The following NKAIN1 variants were observed in gnomAD, a reference collection of about 807,000 sequenced individuals.
NKAIN1 encodes sodium/potassium-transporting ATPase subunit beta-1-interacting protein 1.
Under a neutral mutation model 31.6 loss-of-function variants are expected in NKAIN1, and 13 were observed. That is an observed-to-expected ratio of 0.41 (90% CI 0.27 to 0.65). The LOEUF (loss-of-function observed/expected upper bound fraction) is 0.65. Ranked by LOEUF, NKAIN1 falls within the 30% of genes least tolerant of loss-of-function variation. The probability of loss-of-function intolerance (pLI) is 0.30; values close to 1 mark genes in which losing one functional copy is unlikely to be tolerated. For missense variants in NKAIN1, 193 were observed against 262.2 expected (o/e 0.74, Z 1.82); for synonymous variants, 104 against 109.0 (o/e 0.95, Z 0.28).
intron 1 of NKAIN1, among the ~76,000 whole-genome samples, chr1:31,225,737 GCAGC>G (rs2148365791): frequency 6.6e-6 from 1 of 152,332 alleles, no homozygotes; most frequent in South Asian, 2.1e-4. Context: ...GGGGACTCAT[GCAGC>G]CAGATAGAGT....
chr1:31,183,185 G>A (rs1421825194), intron 4 of NKAIN1, among the ~76,000 whole-genome samples: 1 of 152,062 alleles, frequency 6.6e-6, no homozygotes, highest in African/African-American at 2.4e-5. Flanking sequence ...CAACTCTGAG[G>A]CTGGTATTGT....
At chr1:31,236,086 A>G (rs953089103) in intron 1 of NKAIN1, among the ~76,000 whole-genome samples, 2 of 152,142 alleles carry the variant, frequency 1.3e-5, no homozygotes, top group East Asian at 3.8e-4. Context: ...ACTGTTTTAT[A>G]TTCTCTCTAT....
At chr1:31,202,087 G>T (rs111539191) in intron 1 of NKAIN1, among the ~76,000 whole-genome samples, 59 of 152,242 alleles carry the variant, frequency 3.9e-4, no homozygotes, top group African/African-American at 1.4e-3. Flanking sequence ...CCCAGGATGC[G>T]ACTGATTGGG....
chr1:31,207,136 G>C (rs932487361), intron 1 of NKAIN1, among the ~76,000 whole-genome samples: 2 of 152,170 alleles, frequency 1.3e-5, no homozygotes, highest in South Asian at 4.1e-4. Flanking sequence ...GATTCTTGCT[G>C]CTTGTTCCCC....
chr1:31,207,390 G>A (rs1043041827), intron 1 of NKAIN1, among the ~76,000 whole-genome samples: 1 of 152,178 alleles, frequency 6.6e-6, no homozygotes, highest in African/African-American at 2.4e-5. Flanking sequence ...CAAATGTTCA[G>A]AACACTGCCT....
chr1:31,238,452 G>C (rs1458754131), intron 1 of NKAIN1, among the ~76,000 whole-genome samples: 1 of 152,178 alleles, frequency 6.6e-6, no homozygotes, highest in Non-Finnish European at 1.5e-5. Context: ...GAGAAGCACA[G>C]CTTCAACCTC....
intron 1 of NKAIN1, among the ~76,000 whole-genome samples, chr1:31,203,285 A>G (rs1171728501): frequency 6.6e-6 from 1 of 152,180 alleles, no homozygotes; most frequent in East Asian, 1.9e-4. Flanking sequence ...AAAATAAAAT[A>G]AAATAAATAA....
At position 31,184,020 on chromosome 1, in the gene NKAIN1, G is replaced by T; in HGVS notation, c.274-6C>A. On this transcript the variant is annotated splice_region_variant and splice_polypyrimidine_tract_variant and intron_variant, in intron 3 of 6. Coordinates refer to ENST00000373736, the MANE Select transcript of NKAIN1 (RefSeq NM_024522.3). ...GTCATGATGAAGTCCCGGTCCTGGG[G>T]GCAAAGGGGCCTGGGATACTGAGTG... 6.2e-7 allele frequency: 1 copy of T among 1,612,816 alleles called. No homozygotes were observed. Among genetic ancestry groups the T allele is most frequent in the Non-Finnish European group, 8.5e-7 (1 of 1,179,458 alleles).
intron 1 of NKAIN1, among the ~76,000 whole-genome samples, chr1:31,195,622 A>C (rs537223390): frequency 6.6e-6 from 1 of 152,100 alleles, no homozygotes; most frequent in African/African-American, 2.4e-5. Context: ...TCTCCCATTA[A>C]AAAAAGAAAA....
At chr1:31,215,511 T>C (rs1645504463) in intron 1 of NKAIN1, among the ~76,000 whole-genome samples, 1 of 152,144 alleles carries the variant, frequency 6.6e-6, no homozygotes, top group Non-Finnish European at 1.5e-5. Context: ...AGGGGGTCTG[T>C]CAGTCTGGTG....
At position 31,181,461 on chromosome 1, in the gene NKAIN1, G is replaced by A; in HGVS notation, c.*242C>T. On this transcript the variant is annotated 3_prime_UTR_variant, in exon 7 of 7. Transcript: ENST00000373736. ...CAAACAAACAAAAAACAAAAAACCCGTGGTGCCCCTCCCCCGCCCCGCCCC... is the reference window on the plus strand; with the variant it reads ...CAAACAAACAAAAAACAAAAAACCCATGGTGCCCCTCCCCCGCCCCGCCCC... 2.4e-6 allele frequency: 1 copy of A among 408,392 alleles called. No individual in the cohort carries two copies. Among genetic ancestry groups the A allele is most frequent in the Non-Finnish European group, 4.3e-6 (1 of 230,120 alleles). 25.3% of individuals were successfully genotyped at this position (408,392 alleles called of 1,614,324 possible).
intron 1 of NKAIN1, among the ~76,000 whole-genome samples, chr1:31,226,911 C>A (rs955413729): frequency 2.0e-5 from 3 of 151,978 alleles, no homozygotes; most frequent in African/African-American, 7.3e-5. Context: ...GCAACCTCTG[C>A]CTCTCGGGTT....
At chr1:31,188,506 C>A in intron 1 of NKAIN1, 1 of 262,624 alleles carries the variant, frequency 3.8e-6, no homozygotes, top group Non-Finnish European at 7.3e-6. Flanking sequence ...CAGACTGCCA[C>A]CCCTAGCCTT....
At chr1:31,216,465 C>T (rs895815372) in intron 1 of NKAIN1, among the ~76,000 whole-genome samples, 4 of 152,178 alleles carry the variant, frequency 2.6e-5, no homozygotes, top group African/African-American at 4.8e-5. Context: ...CAGGTACAGC[C>T]TAAGGTCAAG....
At chr1:31,187,240 A>G (rs1645250936) in intron 2 of NKAIN1, among the ~76,000 whole-genome samples, 1 of 152,182 alleles carries the variant, frequency 6.6e-6, no homozygotes. Flanking sequence ...GCATGTATGT[A>G]GTAAATCTAG....
At chr1:31,187,367 TG>T (rs1645251663) in intron 2 of NKAIN1, among the ~76,000 whole-genome samples, 1 of 152,042 alleles carries the variant, frequency 6.6e-6, no homozygotes, top group Admixed American at 6.6e-5. Flanking sequence ...GACCAGGACT[TG>T]GGAAGAGGCT....
At chr1:31,227,796 C>G (rs747804490) in intron 1 of NKAIN1, among the ~76,000 whole-genome samples, 3 of 152,162 alleles carry the variant, frequency 2.0e-5, no homozygotes, top group Non-Finnish European at 4.4e-5. Flanking sequence ...CCCGGGCCAT[C>G]CTGCTCATGG....
chr1:31,190,071 G>C (rs546286224), intron 1 of NKAIN1, among the ~76,000 whole-genome samples: 1 of 152,328 alleles, frequency 6.6e-6, no homozygotes, highest in East Asian at 1.9e-4. Context: ...GCAACAAAGA[G>C]TCCTAACTAC....
intron 1 of NKAIN1, among the ~76,000 whole-genome samples, chr1:31,227,620 C>T (rs1377198375): frequency 6.8e-6 from 1 of 147,046 alleles, no homozygotes; most frequent in Non-Finnish European, 1.5e-5. Flanking sequence ...CGGGGAAGCA[C>T]AGCCCCCAAG....
Sources: allele counts gnomAD v4.1 joint callset (sites outside exome capture counted in the v4.1 genomes callset), GRCh38; gene constraint gnomAD v4.1.1; transcripts MANE v1.5; gene names NCBI Gene and HGNC (gene_info 2026-07-23, HGNC 2026-07-21).